The following MBP variants were observed in gnomAD, a reference collection of about 807,000 sequenced individuals.
MBP encodes the protein Golli-MBP.
A neutral mutation model predicts 35.8 loss-of-function variants in MBP; 16 were observed. The ratio of observed to expected loss-of-function variants is 0.45; its 90% CI spans 0.30 to 0.68. MBP has a LOEUF of 0.68. Among genes scored for constraint, MBP ranks in the 30% least tolerant of loss-of-function variants. MBP has a pLI of 0.08. For missense variants in MBP, 380 were observed against 404.7 expected (o/e 0.94, Z 0.52); for synonymous variants, 143 against 159.6 (o/e 0.90, Z 0.78).
At chr18:77,080,338 C>A (rs747047914) in intron 2 of MBP, among the ~76,000 whole-genome samples, 1 of 152,258 alleles carries the variant, frequency 6.6e-6, no homozygotes, top group African/African-American at 2.4e-5. Context: ...GAACAGGATG[C>A]GGACGGTAAG....
chr18:77,120,032 C>T (rs1976841487), intron 1 of MBP, among the ~76,000 whole-genome samples: 1 of 152,158 alleles, frequency 6.6e-6, no homozygotes, highest in Non-Finnish European at 1.5e-5. Flanking sequence ...GTGGGACAGA[C>T]CCCAATGTCT....
chr18:77,040,565 A>G (rs2144620013), intron 3 of MBP, among the ~76,000 whole-genome samples: 1 of 152,376 alleles, frequency 6.6e-6, no homozygotes, highest in East Asian at 1.9e-4. Flanking sequence ...ACAGCATGGT[A>G]CTGGTACCAC....
chr18:77,090,767 C>G (rs910860802), intron 2 of MBP, among the ~76,000 whole-genome samples: 7 of 152,236 alleles, frequency 4.6e-5, no homozygotes, highest in African/African-American at 1.7e-4. Context: ...CCTCTCTGAA[C>G]CCATGTCCTC....
At chr18:77,113,883 G>C (rs1332839993) in intron 1 of MBP, 2 of 152,210 alleles carry the variant, frequency 1.3e-5, no homozygotes, top group African/African-American at 4.8e-5. Flanking sequence ...CTCTGCAAAG[G>C]ACAATGTCAA....
At chr18:77,028,520 G>C (rs1599099246) in intron 3 of MBP, among the ~76,000 whole-genome samples, 1 of 99,532 alleles carries the variant, frequency 1.0e-5, no homozygotes, top group Non-Finnish European at 2.5e-5. Context: ...CCTCCCAGAC[G>C]GGGTGGTGGC....
intron 2 of MBP, among the ~76,000 whole-genome samples, chr18:77,081,938 G>A (rs1478982305): frequency 1.3e-5 from 2 of 151,438 alleles, no homozygotes; most frequent in African/African-American, 4.9e-5. Context: ...TGCAAGCTCT[G>A]CCTCCCGGGT....
At chr18:77,066,558 C>T (rs753773811) in intron 2 of MBP, 173 bp from the exon 3 acceptor site, 8 of 764,452 alleles carry the variant, frequency 1.0e-5, no homozygotes, top group Admixed American at 8.5e-5. Context: ...GCGCAGGATT[C>T]GGAATTCTGG....
At chr18:77,096,672 C>T (rs1975770732) in intron 2 of MBP, among the ~76,000 whole-genome samples, 1 of 152,116 alleles carries the variant, frequency 6.6e-6, no homozygotes, top group Non-Finnish European at 1.5e-5. Flanking sequence ...CAGGGAAAGC[C>T]CAGTGTCTAG....
At position 76,984,847 on chromosome 18, in the gene MBP, G is replaced by A. The variant is rs1568263546; in HGVS notation, c.798C>T (p.Ser266=). ...ATCCCTTGTGAGCCGATTTATAGTC[G>A]GACGCTCTGCCTCCGTAGCCAAATC... is the stretch of plus-strand genomic sequence containing the variant. ...RPGFGYGGRA[S]DYKSAHKGFK... is the part of the protein sequence containing the mutation. The change falls in exon 8 of 9, where the codon TCC becomes TCT. Residue 266 remains serine (S), a synonymous_variant. Coordinates refer to ENST00000355994, the MANE Select transcript of MBP (RefSeq NM_001025101.2). The A allele has an allele frequency of 6.2e-7, 1 of 1,613,996 alleles. No individual in the cohort carries two copies. The highest frequency in any genetic ancestry group is 1.1e-5 in the South Asian group (1 of 91,072).
At chr18:77,070,877 C>G (rs891432266) in intron 2 of MBP, among the ~76,000 whole-genome samples, 1 of 152,174 alleles carries the variant, frequency 6.6e-6, no homozygotes, top group Non-Finnish European at 1.5e-5. Context: ...CGGGCGGAAT[C>G]CTGGTTGGTT....
At chr18:77,033,835 TATCC>T (rs1247694918) in intron 3 of MBP, among the ~76,000 whole-genome samples, 2 of 149,916 alleles carry the variant, frequency 1.3e-5, no homozygotes, top group African/African-American at 2.5e-5. Context: ...CATATCCATT[TATCC>T]ATCCATCCAT....
intron 4 of MBP, among the ~76,000 whole-genome samples, chr18:76,997,564 C>G (rs1022475093): frequency 6.6e-6 from 1 of 152,242 alleles, no homozygotes; most frequent in African/African-American, 2.4e-5. Context: ...GGTTTATGTT[C>G]CTAAAGAGCT....
intron 1 of MBP, among the ~76,000 whole-genome samples, chr18:77,122,262 A>C (rs1300364023): frequency 6.6e-6 from 1 of 152,236 alleles, no homozygotes; most frequent in African/African-American, 2.4e-5. Context: ...CTTGTAAACA[A>C]AATGCTACCA....
intron 1 of MBP, among the ~76,000 whole-genome samples, chr18:77,118,433 G>A (rs1976765169): frequency 2.0e-5 from 3 of 151,940 alleles, no homozygotes; most frequent in African/African-American, 4.8e-5. Flanking sequence ...GCCATGATCC[G>A]TGAGCTGCTG....
intron 1 of MBP, among the ~76,000 whole-genome samples, chr18:77,129,511 TTC>T (rs1420324886): frequency 1.3e-5 from 2 of 152,228 alleles, no homozygotes; most frequent in Admixed American, 1.3e-4. Flanking sequence ...CTCCACCTGC[TTC>T]TGTTTCTCTG....
chr18:77,047,343 T>A (rs1599137315), intron 3 of MBP, among the ~76,000 whole-genome samples: 1 of 152,224 alleles, frequency 6.6e-6, no homozygotes, highest in South Asian at 2.1e-4. Flanking sequence ...TACTCCATGA[T>A]GAACCTCACC....
chr18:77,071,909 T>C (rs1331515037), intron 2 of MBP, among the ~76,000 whole-genome samples: 1 of 152,158 alleles, frequency 6.6e-6, no homozygotes, highest in Non-Finnish European at 1.5e-5. Context: ...TTCTGAGATT[T>C]CCCAGAAGAA....
chr18:77,003,091 T>C (rs193254946), intron 4 of MBP: 1 of 152,156 alleles, frequency 6.6e-6, no homozygotes. Flanking sequence ...TAAATGCCAG[T>C]GTAGTTAATG....
chr18:77,013,511 C>G, intron 4 of MBP: 1 of 985,358 alleles, frequency 1.0e-6, no homozygotes, highest in Non-Finnish European at 1.2e-6. Flanking sequence ...GAAAAAAAAT[C>G]AGGCAACAGA....
Sources: gnomAD v4.1 joint callset for allele counts (sites outside exome capture counted in the v4.1 genomes callset) on GRCh38, gnomAD v4.1.1 for gene constraint, MANE v1.5 for transcripts, NCBI Gene and HGNC (gene_info 2026-07-23, HGNC 2026-07-21) for gene names.